ENPP6: variants seen among roughly 807,000 people sequenced by gnomAD.
The protein encoded by ENPP6 is glycerophosphocholine cholinephosphodiesterase ENPP6.
In ENPP6, 32 loss-of-function variants were observed where a neutral mutation model predicts 42.0. That is an observed-to-expected ratio of 0.76 (90% CI 0.58 to 1.02). The LOEUF (loss-of-function observed/expected upper bound fraction) is 1.02, where lower values mean the gene tolerates loss of function less well. Among genes scored for constraint, ENPP6 ranks in the 50% least tolerant of loss-of-function variants. The pLI is 0.00. For synonymous variants in ENPP6, 213 were observed against 216.0 expected (o/e 0.99, Z 0.12); for missense variants, 552 against 566.8 (o/e 0.97, Z 0.27).
intron 6 of ENPP6, among the ~76,000 whole-genome samples, chr4:184,098,113 C>T (rs7669472): frequency 0.19 from 28,871 of 152,176 alleles, 3,219 homozygotes; most frequent in African/African-American, 0.31. Context: ...AATAAAACAG[C>T]CATCTTAAAT....
intron 1 of ENPP6, among the ~76,000 whole-genome samples, chr4:184,158,931 T>C (rs777508805): frequency 3.0e-4 from 46 of 152,246 alleles, no homozygotes; most frequent in Non-Finnish European, 2.8e-4. Flanking sequence ...ACATGGTCAA[T>C]GATCTCTTCC....
intron 1 of ENPP6, among the ~76,000 whole-genome samples, chr4:184,169,683 T>C (rs1737425904): frequency 6.6e-6 from 1 of 152,240 alleles, no homozygotes; most frequent in Non-Finnish European, 1.5e-5. Flanking sequence ...TAGGCCGCAG[T>C]TGAGGCTTCT....
At chr4:184,170,598 C>A (rs762601155) in intron 1 of ENPP6, among the ~76,000 whole-genome samples, 1 of 152,120 alleles carries the variant, frequency 6.6e-6, no homozygotes, top group Non-Finnish European at 1.5e-5. Context: ...GAAAACATCC[C>A]ATATTCTGGA....
intron 1 of ENPP6, among the ~76,000 whole-genome samples, chr4:184,214,185 A>T (rs1188197990): frequency 6.7e-6 from 1 of 150,204 alleles, no homozygotes; most frequent in East Asian, 2.0e-4. Flanking sequence ...GCACATGTAT[A>T]CATATGTAAC....
intron 2 of ENPP6, among the ~76,000 whole-genome samples, chr4:184,130,566 C>A (rs71638117): frequency 0.32 from 10,658 of 33,400 alleles, 3,159 homozygotes; most frequent in African/African-American, 0.45. Context: ...TCAAACAAAA[C>A]AAAACAAAAA....
chr4:184,177,743 A>G (rs1422797960), intron 1 of ENPP6, among the ~76,000 whole-genome samples: 1 of 152,106 alleles, frequency 6.6e-6, no homozygotes, highest in Non-Finnish European at 1.5e-5. Context: ...TGGAGTCTGG[A>G]GTGGATGCCT....
At chr4:184,204,825 T>C (rs1320130854) in intron 1 of ENPP6, among the ~76,000 whole-genome samples, 2 of 152,266 alleles carry the variant, frequency 1.3e-5, no homozygotes, top group African/African-American at 4.8e-5. Flanking sequence ...AGCATGATTG[T>C]AGTTTTTTCT....
chr4:184,146,600 A>G (rs1736928258), intron 2 of ENPP6, among the ~76,000 whole-genome samples: 1 of 152,240 alleles, frequency 6.6e-6, no homozygotes, highest in Non-Finnish European at 1.5e-5. Context: ...TAATAAATGC[A>G]GATGCTCTTT....
intron 1 of ENPP6, among the ~76,000 whole-genome samples, chr4:184,203,167 C>T (rs1361774146): frequency 6.6e-6 from 1 of 152,088 alleles, no homozygotes; most frequent in Non-Finnish European, 1.5e-5. Flanking sequence ...AGGAGAATCG[C>T]TTGAACCAGG....
chr4:184,147,798 T>A (rs1736954149), intron 2 of ENPP6, among the ~76,000 whole-genome samples: 1 of 45,174 alleles, frequency 2.2e-5, no homozygotes. Context: ...AAGACCCTGT[T>A]TCAAAAAAAA....
chr4:184,185,467 C>A (rs189188924), intron 1 of ENPP6, among the ~76,000 whole-genome samples: 61 of 152,292 alleles, frequency 4.0e-4, no homozygotes, highest in African/African-American at 1.4e-3. Flanking sequence ...ATGGTCTCAG[C>A]CTCTGTGTGG....
chr4:184,127,255 A>G (rs1343026787), intron 2 of ENPP6, among the ~76,000 whole-genome samples: 1 of 152,214 alleles, frequency 6.6e-6, no homozygotes, highest in Non-Finnish European at 1.5e-5. Context: ...GTAGATGTAA[A>G]TAAGTTATAG....
intron 5 of ENPP6, 58 bp from the exon 6 acceptor site, chr4:184,112,867 T>C: frequency 6.5e-7 from 1 of 1,529,990 alleles, no homozygotes; most frequent in Non-Finnish European, 8.8e-7. Context: ...TGTGAATATT[T>C]ACTGGAGCTA....
intron 6 of ENPP6, among the ~76,000 whole-genome samples, chr4:184,097,895 G>A (rs573654464): frequency 2.7e-5 from 4 of 150,650 alleles, no homozygotes; most frequent in South Asian, 4.2e-4. Flanking sequence ...GAACCAGACC[G>A]GGGGAGGGAA....
chr4:184,097,775 C>G (rs760859493), intron 6 of ENPP6, among the ~76,000 whole-genome samples: 6 of 152,172 alleles, frequency 3.9e-5, no homozygotes, highest in Non-Finnish European at 5.9e-5. Flanking sequence ...GAATGTCTTT[C>G]GCTTTTCATT....
intron 1 of ENPP6, among the ~76,000 whole-genome samples, chr4:184,205,838 TC>T (rs1732987353): frequency 6.6e-6 from 1 of 151,900 alleles, no homozygotes; most frequent in Non-Finnish European, 1.5e-5. Context: ...CAGAGGAAGG[TC>T]AGGGAGATCA....
chr4:184,163,871 G>T (rs1406652379), intron 1 of ENPP6, among the ~76,000 whole-genome samples: 2 of 152,358 alleles, frequency 1.3e-5, no homozygotes, highest in South Asian at 4.1e-4. Context: ...AAAACGTGGG[G>T]ATATAAGTGA....
rs951889176 is a variant in ENPP6, at chr4:184,089,964, A to G, written c.*1213T>C. The stretch of plus-strand genomic sequence containing the variant: ...CTCAGTGGCTCTTCTCAAAGGTATC[A>G]AAAGAACTTAGGTCTCAAAGGTGGT... On this transcript the variant is annotated 3_prime_UTR_variant, in exon 8 of 8. Coordinates refer to ENST00000296741, the MANE Select transcript of ENPP6 (RefSeq NM_153343.4). 2.0e-5 allele frequency: 3 copies of G among 152,188 alleles called. No individual in the cohort carries two copies. Among genetic ancestry groups the G allele is most frequent in the African/African-American group, 7.2e-5 (3 of 41,432 alleles). 9.4% of individuals were successfully genotyped at this position (152,188 alleles called of 1,614,324 possible). A position where few individuals can be genotyped will look rare whatever the true frequency, so the allele number is the denominator to read the frequency against.
chr4:184,097,549 G>A (rs1423036303), intron 6 of ENPP6, among the ~76,000 whole-genome samples, 181 bp from the exon 7 acceptor site: 7 of 152,176 alleles, frequency 4.6e-5, no homozygotes, highest in Admixed American at 2.6e-4. Context: ...TCGGGCAGCA[G>A]CCTATTCGAT....
Sources: allele counts gnomAD v4.1 joint callset (sites outside exome capture counted in the v4.1 genomes callset), GRCh38; gene constraint gnomAD v4.1.1; transcripts MANE v1.5; gene names NCBI Gene and HGNC (gene_info 2026-07-23, HGNC 2026-07-21).